NCOR2: variants seen among roughly 807,000 people sequenced by gnomAD.
The protein encoded by NCOR2 is nuclear receptor corepressor 2.
Under a neutral mutation model 262.9 loss-of-function variants are expected in NCOR2, and 81 were observed. The ratio of observed to expected loss-of-function variants is 0.31; its 90% CI spans 0.26 to 0.37. The LOEUF (loss-of-function observed/expected upper bound fraction) is 0.37. NCOR2 is among the 10% of genes least tolerant of loss of function. The pLI is 1.00. For synonymous variants in NCOR2, 1,659 were observed against 1,559.3 expected (o/e 1.06, Z -1.51); for missense variants, 3,385 against 3,621.4 (o/e 0.93, Z 1.68).
chr12:124,349,504 G>A (rs1188351347), intron 28 of NCOR2, among the ~76,000 whole-genome samples: 2 of 152,174 alleles, frequency 1.3e-5, no homozygotes, highest in African/African-American at 4.8e-5. Context: ...TAAAAACGGA[G>A]ATGAGAAACC....
At chr12:124,509,248 G>GA (rs201046538) in intron 1 of NCOR2, among the ~76,000 whole-genome samples, 6 of 150,908 alleles carry the variant, frequency 4.0e-5, no homozygotes, top group East Asian at 2.0e-4. Flanking sequence ...GGGGGGGGGG[G>GA]GCTTAACTCT....
chr12:124,325,383 C>CCT lies in NCOR2; in HGVS notation c.*18_*19insAG, dbSNP rs546976590. 738 of 440,014 alleles carry CCT rather than the reference C, an allele frequency of 1.7e-3. 45 individuals are homozygous for CCT. In the South Asian group the frequency reaches 0.03, roughly 18 times the overall value. The allele number at this position is 440,014 out of a possible 1,614,324, so 27.3% of individuals were successfully genotyped here. A position where few individuals can be genotyped will look rare whatever the true frequency, so the allele number is the denominator to read the frequency against. Reference sequence around the variant, plus strand: ...CTCGCTGGGACCTGACACCGCCCCCCCCCCCGCCCTGTTCTGAGTCACTCG... The same window carrying CCT: ...CTCGCTGGGACCTGACACCGCCCCCCCTCCCCCGCCCTGTTCTGAGTCACTCG... On this transcript the variant is annotated 3_prime_UTR_variant, in exon 47 of 47. Transcript: ENST00000405201.
At chr12:124,419,583 G>A (rs773771234) in intron 13 of NCOR2, among the ~76,000 whole-genome samples, 1 of 152,212 alleles carries the variant, frequency 6.6e-6, no homozygotes, top group Non-Finnish European at 1.5e-5. Flanking sequence ...CATGAAGTTT[G>A]TGAACTACCC....
At chr12:124,450,253 G>A (rs1045770142) in intron 6 of NCOR2, among the ~76,000 whole-genome samples, 10 of 152,198 alleles carry the variant, frequency 6.6e-5, no homozygotes, top group South Asian at 2.1e-4. Flanking sequence ...ATGGAAACGC[G>A]CGTCCCAACG....
chr12:124,521,523 G>C (rs1156489321), intron 1 of NCOR2, among the ~76,000 whole-genome samples: 1 of 152,186 alleles, frequency 6.6e-6, no homozygotes, highest in Non-Finnish European at 1.5e-5. Flanking sequence ...CACAGTGCAT[G>C]ATTCCGTCCA....
In NCOR2 at chr12:124,376,660, T is replaced by C. The variant is rs576989320; in HGVS notation, c.2167+1577A>G. Among the ~76,000 whole-genome samples the C allele has an allele frequency of 1.6e-4, 24 of 152,314 alleles. No homozygotes were observed. The South Asian group carries it at 5.0e-3, about 32-fold the overall frequency. Reference sequence around the variant, plus strand: ...TCACCCAAGGGCCCAGTTGCCCATTTCCAGCGGGAAGCGGGGATTCGGGCT... The same window carrying C: ...TCACCCAAGGGCCCAGTTGCCCATTCCCAGCGGGAAGCGGGGATTCGGGCT... On this transcript the variant is annotated intron_variant, in intron 18 of 46. Transcript: ENST00000405201.
intron 18 of NCOR2, among the ~76,000 whole-genome samples, chr12:124,377,477 A>G (rs2040093915): frequency 1.3e-5 from 2 of 152,226 alleles, no homozygotes; most frequent in Non-Finnish European, 1.5e-5. Flanking sequence ...TATAACTTGT[A>G]CAATATTTAC....
intron 33 of NCOR2, 123 bp from the exon 36 acceptor site, chr12:124,342,197 G>A (rs1472828308): frequency 1.7e-6 from 2 of 1,193,904 alleles, no homozygotes; most frequent in Admixed American, 2.6e-5. Flanking sequence ...ATGTGTGGCT[G>A]CCCAAAGCAC....
chr12:124,386,659 C>G lies in NCOR2; in HGVS notation c.1877-772G>C, dbSNP rs117024491. On this transcript the variant is annotated intron_variant, in intron 16 of 46. Transcript: ENST00000405201. ...TCGGCAGAAAAAGCTCCCTCCATCA[C>G]TAGGTCTCAGGCCAGAACCAGAGCA... 4.4e-3 allele frequency among the ~76,000 whole-genome samples: 664 copies of G among 152,340 alleles called. 27 individuals carry two copies. In the East Asian group the frequency reaches 0.084, roughly 19 times the overall value.
In NCOR2 at chr12:124,479,867, C is replaced by T. The variant is rs376338892; in HGVS notation, c.411+3729G>A. The stretch of plus-strand genomic sequence containing the variant: ...CAGCTGCCTGGGCCTGAATCCCGTT[C>T]CCCCACGTCCAGCTCGCTCAGCCTG... On this transcript the variant is annotated intron_variant, in intron 3 of 46. Transcript: ENST00000405201. Among the ~76,000 whole-genome samples, 9 of 152,320 alleles carry T rather than the reference C, an allele frequency of 5.9e-5. No homozygotes were observed. In the East Asian group the frequency reaches 1.4e-3, roughly 23 times the overall value.
chr12:124,533,255 C>T (rs1301372199), intron 1 of NCOR2, among the ~76,000 whole-genome samples: 1 of 151,968 alleles, frequency 6.6e-6, no homozygotes. Context: ...GAGGCCTCCT[C>T]CAGGAAAACT....
intron 10 of NCOR2, among the ~76,000 whole-genome samples, chr12:124,428,072 T>TGC: frequency 6.6e-6 from 1 of 150,426 alleles, no homozygotes; most frequent in Non-Finnish European, 1.5e-5. Flanking sequence ...TGTGTGTGTG[T>TGC]GTGTGTGTGT....
At chr12:124,347,166 C>T (rs182189888) in intron 30 of NCOR2, among the ~76,000 whole-genome samples, 9 of 152,302 alleles carry the variant, frequency 5.9e-5, no homozygotes, top group Non-Finnish European at 1.0e-4. Flanking sequence ...CTCAGGAGTT[C>T]GAGACCAGCC....
intron 44 of NCOR2, 39 bp downstream of exon 46, chr12:124,330,806 G>A (rs749098609): frequency 5.5e-5 from 85 of 1,555,930 alleles, no homozygotes; most frequent in African/African-American, 9.5e-5. Context: ...GGAGCGGAGG[G>A]GACCAGGGCA....
chr12:124,518,534 G>A lies in NCOR2; in HGVS notation c.-118+17031C>T, dbSNP rs181508098. Among the ~76,000 whole-genome samples, 297 of 152,356 alleles carry A rather than the reference G, an allele frequency of 1.9e-3. 1 individual carries two copies. Among genetic ancestry groups the A allele is most frequent in the African/African-American group, 6.9e-3 (289 of 41,588 alleles). On this transcript the variant is annotated intron_variant, in intron 1 of 46. Coordinates refer to the NCOR2 transcript ENST00000404621. The stretch of plus-strand genomic sequence containing the variant: ...CGGCTGGGCCGTGAACGAGACGTCG[G>A]GCCTCCAGCGATCCGTTCTCGCCTC...
intron 5 of NCOR2, among the ~76,000 whole-genome samples, chr12:124,462,166 T>G (rs1238632843): frequency 6.6e-6 from 1 of 152,170 alleles, no homozygotes; most frequent in Non-Finnish European, 1.5e-5. Flanking sequence ...TATACACACG[T>G]GTACCCACAG....
chr12:124,446,851 CAG>C (rs2045206507), intron 7 of NCOR2, among the ~76,000 whole-genome samples: 1 of 152,194 alleles, frequency 6.6e-6, no homozygotes, highest in South Asian at 2.1e-4. Flanking sequence ...GTTTTTCTAA[CAG>C]AAGTTGACTA....
At chr12:124,466,377 C>G (rs111602731) in intron 4 of NCOR2, 91 bp from the exon 7 acceptor site, 30,702 of 1,177,346 alleles carry the variant, frequency 0.026, 610 homozygotes, top group Admixed American at 0.041. Flanking sequence ...CCCCTTGCAG[C>G]CCGGGCCACG....
upstream of NCOR2, among the ~76,000 whole-genome samples, chr12:124,536,529 G>A (rs1162892817): frequency 6.6e-6 from 1 of 152,130 alleles, no homozygotes; most frequent in Non-Finnish European, 1.5e-5. Context: ...TCACCAAAGA[G>A]TACATACACA....
Sources: gnomAD v4.1 joint callset for allele counts (sites outside exome capture counted in the v4.1 genomes callset) on GRCh38, gnomAD v4.1.1 for gene constraint, MANE v1.5 for transcripts, NCBI Gene and HGNC (gene_info 2026-07-23, HGNC 2026-07-21) for gene names.